Variants in ZNF536 observed in about 807,000 individuals in gnomAD.
ZNF536 encodes zinc finger protein 536.
ZNF536 carries 13 observed loss-of-function variants against 84.5 expected under a neutral mutation model. The observed-to-expected ratio is 0.15, with a 90% CI of 0.10 to 0.24. The LOEUF (loss-of-function observed/expected upper bound fraction) is 0.24, where lower values mean the gene tolerates loss of function less well. ZNF536 is among the 10% of genes least tolerant of loss of function. The probability of loss-of-function intolerance (pLI) is 1.00; values close to 1 mark genes in which losing one functional copy is unlikely to be tolerated. For missense variants in ZNF536, 1,536 were observed against 1,747.5 expected (o/e 0.88, Z 2.16); for synonymous variants, 811 against 742.5 (o/e 1.09, Z -1.50).
Position 30,471,824 on chromosome 19 carries a change from C to A in ZNF536, c.2170+26092C>A, listed in dbSNP as rs187438430. ...AGTGGTTAGTAACAAACAGCAGCAA[C>A]TCTGTAATTTTTTTTTAAATGCTAC... is the stretch of plus-strand genomic sequence containing the variant. On this transcript the variant is annotated intron_variant, in intron 2 of 4. Coordinates refer to ENST00000355537, the MANE Select transcript of ZNF536 (RefSeq NM_014717.3). 8.5e-3 allele frequency among the ~76,000 whole-genome samples: 1,289 copies of A among 152,272 alleles called. 13 individuals carry two copies. The highest frequency in any genetic ancestry group is 0.023 in the South Asian group (110 of 4,820).
At chr19:30,450,093 G>C (rs1206707156) in intron 2 of ZNF536, among the ~76,000 whole-genome samples, 1 of 54,372 alleles carries the variant, frequency 1.8e-5, no homozygotes, top group African/African-American at 6.5e-5. Flanking sequence ...TTTTTTTTTT[G>C]CTTGTGCATT....
At chr19:30,243,426 T>C (rs1464831077) in intron 1 of ZNF536, among the ~76,000 whole-genome samples, 1 of 152,220 alleles carries the variant, frequency 6.6e-6, no homozygotes, top group Admixed American at 6.5e-5. Flanking sequence ...TTCTTTTTCC[T>C]CCGAGGAAAT....
chr19:30,328,702 A>T (rs951183204), intron 2 of ZNF536, among the ~76,000 whole-genome samples: 1 of 152,180 alleles, frequency 6.6e-6, no homozygotes, highest in African/African-American at 2.4e-5. Context: ...GCTGGACCCA[A>T]TATCCACATG....
intron 1 of ZNF536, among the ~76,000 whole-genome samples, chr19:30,625,323 A>C (rs944331136): frequency 6.6e-6 from 1 of 152,136 alleles, no homozygotes; most frequent in Non-Finnish European, 1.5e-5. Context: ...CTCAAAAATC[A>C]CCTATTTGGA....
intron 2 of ZNF536, among the ~76,000 whole-genome samples, chr19:30,511,680 C>T (rs1363537448): frequency 6.6e-6 from 1 of 152,284 alleles, no homozygotes; most frequent in African/African-American, 2.4e-5. Context: ...TTAACATACA[C>T]ATGTAAAATT....
At chr19:30,308,366 T>C (rs913031345) in intron 2 of ZNF536, among the ~76,000 whole-genome samples, 7 of 152,168 alleles carry the variant, frequency 4.6e-5, no homozygotes, top group African/African-American at 1.4e-4. Context: ...TTTTTTCATG[T>C]GAACCATGAT....
At chr19:30,680,641 C>G (rs1480225595) in intron 1 of ZNF536, among the ~76,000 whole-genome samples, 1 of 152,048 alleles carries the variant, frequency 6.6e-6, no homozygotes, top group East Asian at 1.9e-4. Flanking sequence ...TTTTCTTAAT[C>G]CAGTCTATCA....
rs2148176190 is a variant in ZNF536 at position 30,444,254 on chromosome 19, A to T, written c.692A>T (p.Gln231Leu). 6.4e-7 allele frequency: 1 copy of T among 1,550,422 alleles called. No individual in the cohort carries two copies. Among genetic ancestry groups the T allele is most frequent in the Non-Finnish European group, 8.7e-7 (1 of 1,154,770 alleles). The change falls in exon 2 of 5, where the codon CAG becomes CTG. Residue 231 changes from glutamine (Q) to leucine (L), a missense_variant. By Grantham distance (113) the Gln-to-Leu change is moderately radical. Around this residue, in one of 8 missense-constraint regions of ZNF536, gnomAD observed 138 missense variants for 136.8 expected, o/e 1.01. Coordinates refer to ENST00000355537, the MANE Select transcript of ZNF536 (RefSeq NM_014717.3). ...GACCTGAAGCCCCCGCCGCACGCCCAGCAGGCCCCGCTGGCCGCCTGCACC... is the reference window on the plus strand; with the variant it reads ...GACCTGAAGCCCCCGCCGCACGCCCTGCAGGCCCCGCTGGCCGCCTGCACC... ...RPDLKPPPHA[Q>L]QAPLAACTLA...
At chr19:30,302,662 G>A (rs1380294467) in intron 2 of ZNF536, among the ~76,000 whole-genome samples, 1 of 152,090 alleles carries the variant, frequency 6.6e-6, no homozygotes, top group Non-Finnish European at 1.5e-5. Context: ...AGCCTCTGGC[G>A]TCTGTGCCCT....
rs141569514 is a variant in ZNF536 at position 30,250,782 on chromosome 19, A to G, written c.-190+22109A>G. Among the ~76,000 whole-genome samples, 15 of 151,848 alleles carry G rather than the reference A, an allele frequency of 9.9e-5. No individual in the cohort carries two copies. The East Asian group carries it at 2.7e-3, about 27-fold the overall frequency. Reference sequence around the variant, plus strand: ...ATGATTCAAAAGGCACCATAAAGGCATAACATATACAAGGACCAAGTTAGT... The same window carrying G: ...ATGATTCAAAAGGCACCATAAAGGCGTAACATATACAAGGACCAAGTTAGT... On this transcript the variant is annotated intron_variant, in intron 1 of 5. Coordinates refer to the ZNF536 transcript ENST00000585628.
At chr19:30,443,390 C>A (rs2052155806) in intron 1 of ZNF536, among the ~76,000 whole-genome samples, 171 bp from the exon 2 acceptor site, 1 of 152,228 alleles carries the variant, frequency 6.6e-6, no homozygotes, top group Admixed American at 6.5e-5. Context: ...TGCCATATTG[C>A]ATAATTGGCA....
At chr19:30,571,772 C>T (rs1194803438) in intron 1 of ZNF536, among the ~76,000 whole-genome samples, 1 of 152,170 alleles carries the variant, frequency 6.6e-6, no homozygotes, top group Non-Finnish European at 1.5e-5. Context: ...CCTTGTTAGA[C>T]AGCCTGCTTT....
intron 1 of ZNF536, among the ~76,000 whole-genome samples, chr19:30,657,813 C>T (rs2049970246): frequency 6.6e-6 from 1 of 152,186 alleles, no homozygotes; most frequent in Non-Finnish European, 1.5e-5. Context: ...CCTGTTAATT[C>T]CATCTCAAAA....
chr19:30,535,091 G>A (rs2045013346), intron 3 of ZNF536, 92 bp downstream of exon 3: 2 of 1,430,198 alleles, frequency 1.4e-6, no homozygotes, highest in Non-Finnish European at 1.9e-6. Context: ...CAGCTGTGTG[G>A]GTCACTAACT....
intron 1 of ZNF536, among the ~76,000 whole-genome samples, chr19:30,437,064 T>C (rs2148051450): frequency 6.6e-6 from 1 of 152,382 alleles, no homozygotes; most frequent in South Asian, 2.1e-4. Context: ...GCATTTTATT[T>C]TCCAATGATT....
intron 2 of ZNF536, among the ~76,000 whole-genome samples, chr19:30,287,208 T>C (rs2045659868): frequency 7.6e-6 from 1 of 132,064 alleles, no homozygotes; most frequent in Non-Finnish European, 1.5e-5. Flanking sequence ...GATGGATACA[T>C]AGATGGGTGG....
chr19:30,271,304 T>TTC (rs1261370475), intron 1 of ZNF536, among the ~76,000 whole-genome samples: 9 of 146,550 alleles, frequency 6.1e-5, no homozygotes, highest in Non-Finnish European at 1.0e-4. Flanking sequence ...CTTTTCTTTT[T>TTC]TTTTTTTTTT....
At chr19:30,227,696 C>A (rs2022693770), upstream of ZNF536, among the ~76,000 whole-genome samples, 1 of 151,448 alleles carries the variant, frequency 6.6e-6, no homozygotes, top group Admixed American at 6.6e-5. Context: ...AGTGAGCGAG[C>A]GCGCGGTACG....
At chr19:30,384,673 C>T (rs1442164586) in intron 1 of ZNF536, among the ~76,000 whole-genome samples, 2 of 151,992 alleles carry the variant, frequency 1.3e-5, no homozygotes, top group Non-Finnish European at 2.9e-5. Context: ...CCACTTCTTG[C>T]ACCCTGAGGG....
Sources: allele counts gnomAD v4.1 joint callset (sites outside exome capture counted in the v4.1 genomes callset), GRCh38; gene constraint gnomAD v4.1.1; regional missense constraint gnomAD v4.1.1; transcripts MANE v1.5; gene names NCBI Gene and HGNC (gene_info 2026-07-23, HGNC 2026-07-21).